Variants in ARID5B observed in about 807,000 individuals in gnomAD.
ARID5B encodes the protein AT-rich interaction domain 5B.
In ARID5B, 13 loss-of-function variants were observed where a neutral mutation model predicts 97.2. That is an observed-to-expected ratio of 0.13 (90% CI 0.09 to 0.21). The LOEUF (loss-of-function observed/expected upper bound fraction) is 0.21, where lower values mean the gene tolerates loss of function less well. Among genes scored for constraint, ARID5B ranks in the 10% least tolerant of loss-of-function variants. The pLI, the probability that ARID5B is intolerant of heterozygous loss-of-function variation, is 1.00. For synonymous variants in ARID5B, 556 were observed against 570.3 expected, an observed-to-expected ratio of 0.97 and a Z score of 0.36; for missense variants, 1,210 against 1,465.3, an observed-to-expected ratio of 0.83 and a Z score of 2.84.
rs1053249392 is a variant in ARID5B at position 62,094,218 on chromosome 10, A to G, written c.*1188A>G. On this transcript the variant is annotated 3_prime_UTR_variant, in exon 10 of 10. Transcript: ENST00000279873. ...TTGGCGTTGGCACTGATTCCTTTAA[A>G]TGGTCTGGGAAAGGGGGTTGGGAAG... 1 of 232,206 alleles carries G rather than the reference A, an allele frequency of 4.3e-6. No homozygotes were observed. The highest frequency in any genetic ancestry group is 8.5e-6 in the Non-Finnish European group (1 of 117,430). The allele number at this position is 232,206 out of a possible 1,614,324, so 14.4% of individuals were successfully genotyped here.
chr10:62,082,253 A>G (rs1163326875), intron 8 of ARID5B, among the ~76,000 whole-genome samples: 2 of 152,216 alleles, frequency 1.3e-5, no homozygotes, highest in African/African-American at 4.8e-5. Context: ...CATCGTAAAT[A>G]AGCATTTTGC....
At position 62,028,330 on chromosome 10, in the gene ARID5B, T is replaced by C. The variant is rs536424693; in HGVS notation, c.734-22558T>C. Among the ~76,000 whole-genome samples, 7 of 152,334 alleles carry C rather than the reference T, an allele frequency of 4.6e-5. No individual in the cohort carries two copies. The East Asian group carries it at 9.7e-4, about 21-fold the overall frequency. On this transcript the variant is annotated intron_variant, in intron 4 of 9. Coordinates refer to ENST00000279873, the MANE Select transcript of ARID5B (RefSeq NM_032199.3). ...AGTACAAAAATACTAGTTTGTAGTA[T>C]TGAGTGAGCAATCCTGTGTTAAGTG... is the stretch of plus-strand genomic sequence containing the variant.
Position 62,091,115 on chromosome 10 carries a change from A to T in ARID5B, c.1652A>T (p.Lys551Ile), listed in dbSNP as rs771401194. 6 of 1,613,958 alleles carry T rather than the reference A, an allele frequency of 3.7e-6. No individual in the cohort carries two copies. The Admixed American group carries it at 1.0e-4, about 27-fold the overall frequency. Reference sequence around the variant, plus strand: ...CCAAGTGCTCCTCTGGCCCCAGAAAAAGATTCAGCCTTGGTCCCTGGGGCC... The same window carrying T: ...CCAAGTGCTCCTCTGGCCCCAGAAATAGATTCAGCCTTGGTCCCTGGGGCC... The part of the protein sequence containing the change: ...PLPSAPLAPE[K>I]DSALVPGASK... Residue 551 changes from lysine (K) to isoleucine (I), a missense_variant, in exon 10 of 10, where the codon AAA becomes ATA. Physicochemically the swap from Lys to Ile is moderately radical, Grantham distance 102 (BLOSUM62 -3). Coordinates refer to ENST00000279873, the MANE Select transcript of ARID5B (RefSeq NM_032199.3).
chr10:62,055,575 A>G (rs1839845249), intron 5 of ARID5B, among the ~76,000 whole-genome samples: 2 of 152,212 alleles, frequency 1.3e-5, no homozygotes, highest in Non-Finnish European at 2.9e-5. Context: ...TTTGGCAGTG[A>G]AAAATGATGA....
chr10:61,989,028 T>C (rs1838886190), intron 3 of ARID5B, among the ~76,000 whole-genome samples: 1 of 151,128 alleles, frequency 6.6e-6, no homozygotes, highest in South Asian at 2.1e-4. Flanking sequence ...CTCCTGGGTT[T>C]AAGTGATTCT....
At chr10:61,902,929 AGTTGGCAAAGACGT>A (rs1290953261) in intron 2 of ARID5B, among the ~76,000 whole-genome samples, 1 of 152,136 alleles carries the variant, frequency 6.6e-6, no homozygotes, top group Non-Finnish European at 1.5e-5. Context: ...AAAGCTATTG[AGTTGGCAAAGACGT>A]GTTGAATAAA....
At chr10:61,969,163 C>G (rs184992591) in intron 3 of ARID5B, among the ~76,000 whole-genome samples, 190 of 152,220 alleles carry the variant, frequency 1.2e-3, no homozygotes, top group African/African-American at 4.0e-3. Flanking sequence ...ACCCTCCCCC[C>G]CAAATAAAGT....
At chr10:62,024,746 GA>G (rs1396564968) in intron 4 of ARID5B, 4 of 395,430 alleles carry the variant, frequency 1.0e-5, no homozygotes, top group African/African-American at 4.1e-5. Context: ...AGAAAATCTA[GA>G]AAAGTTTTCA....
In ARID5B at chr10:61,915,381, A is replaced by G. The variant is rs556133854; in HGVS notation, c.276+12968A>G. Among the ~76,000 whole-genome samples the G allele has an allele frequency of 1.2e-4, 19 of 152,328 alleles. 1 individual carries two copies. In the South Asian group the frequency reaches 3.5e-3, roughly 28 times the overall value. On this transcript the variant is annotated intron_variant, in intron 2 of 9. Transcript: ENST00000279873. ...GGATGAAGGGCAAATACAAGTGCCT[A>G]TGTCAGGGGTACATGATTTTGTCGG...
chr10:62,072,563 A>T (rs1840079108), intron 8 of ARID5B, among the ~76,000 whole-genome samples: 1 of 152,196 alleles, frequency 6.6e-6, no homozygotes, highest in African/African-American at 2.4e-5. Context: ...TATGTGTGGC[A>T]ACACCAAAAA....
At chr10:61,975,709 C>T (rs1838689858) in intron 3 of ARID5B, among the ~76,000 whole-genome samples, 1 of 152,164 alleles carries the variant, frequency 6.6e-6, no homozygotes, top group African/African-American at 2.4e-5. Flanking sequence ...ATTGTCATTG[C>T]ATTACTCTTA....
chr10:61,908,975 T>G (rs1408757985), intron 2 of ARID5B, among the ~76,000 whole-genome samples: 2 of 152,150 alleles, frequency 1.3e-5, no homozygotes, highest in Non-Finnish European at 2.9e-5. Context: ...TAGCATTTCT[T>G]AATCTTTCCG....
intron 2 of ARID5B, among the ~76,000 whole-genome samples, chr10:61,932,463 T>C (rs1395440762): frequency 1.3e-5 from 2 of 150,550 alleles, no homozygotes; most frequent in African/African-American, 2.4e-5. Flanking sequence ...CAGGCTGGAG[T>C]GCAGTGGTGC....
intron 8 of ARID5B, among the ~76,000 whole-genome samples, chr10:62,080,172 T>A (rs1318797183): frequency 6.6e-6 from 1 of 152,166 alleles, no homozygotes; most frequent in African/African-American, 2.4e-5. Flanking sequence ...TCAGTTCACA[T>A]CCTTGCCTGT....
chr10:62,005,777 C>T (rs897245660), intron 4 of ARID5B, among the ~76,000 whole-genome samples: 8 of 152,204 alleles, frequency 5.3e-5, no homozygotes, highest in African/African-American at 1.9e-4. Flanking sequence ...TCTGCCTCTT[C>T]CTTTCTGAAC....
chr10:62,076,561 C>CAAAAAAAAAA (rs11363274), intron 8 of ARID5B, among the ~76,000 whole-genome samples: 19,273 of 89,818 alleles, frequency 0.21, 2,465 homozygotes, highest in Non-Finnish European at 0.29. Context: ...GACTCTGTCT[C>CAAAAAAAAAA]AAAAAAAAAA....
chr10:61,915,522 C>A (rs1313457026), intron 2 of ARID5B, among the ~76,000 whole-genome samples: 1 of 152,154 alleles, frequency 6.6e-6, no homozygotes, highest in Non-Finnish European at 1.5e-5. Flanking sequence ...TACCTCCCTG[C>A]AGAATGGTTT....
chr10:61,933,092 A>T (rs562485469), intron 2 of ARID5B, among the ~76,000 whole-genome samples: 80 of 152,272 alleles, frequency 5.3e-4, no homozygotes, highest in Non-Finnish European at 7.8e-4. Flanking sequence ...ACAAAACAAA[A>T]CAAAAAAACA....
intron 3 of ARID5B, among the ~76,000 whole-genome samples, chr10:61,943,040 G>T (rs1000402354): frequency 6.6e-6 from 1 of 152,154 alleles, no homozygotes; most frequent in African/African-American, 2.4e-5. Flanking sequence ...CAGTTGCTAT[G>T]AACTGTGGGG....
Sources: allele counts gnomAD v4.1 joint callset (sites outside exome capture counted in the v4.1 genomes callset), GRCh38; gene constraint gnomAD v4.1.1; transcripts MANE v1.5; gene names NCBI Gene and HGNC (gene_info 2026-07-23, HGNC 2026-07-21).